The following ARHGAP18 variants were observed in gnomAD, a reference collection of about 807,000 sequenced individuals.
ARHGAP18 encodes Rho GTPase activating protein 18, also known as rho GTPase-activating protein 18.
In ARHGAP18, 67 loss-of-function variants were observed where a neutral mutation model predicts 86.2. The ratio of observed to expected loss-of-function variants is 0.78; its 90% CI spans 0.64 to 0.95. The LOEUF (loss-of-function observed/expected upper bound fraction) is 0.95. Among genes scored for constraint, ARHGAP18 ranks in the 40% least tolerant of loss-of-function variants. The pLI is 0.00. For synonymous variants in ARHGAP18, 283 were observed against 280.4 expected (o/e 1.01, Z -0.09); for missense variants, 691 against 780.4 (o/e 0.89, Z 1.37).
chr6:129,607,803 G>C (rs1211870634), intron 9 of ARHGAP18, 90 bp downstream of exon 9: 3 of 1,372,208 alleles, frequency 2.2e-6, no homozygotes. Flanking sequence ...AATACGTCTG[G>C]TTGCGTTCTT....
At chr6:129,627,836 C>A (rs1400654111) in intron 5 of ARHGAP18, among the ~76,000 whole-genome samples, 2 of 152,000 alleles carry the variant, frequency 1.3e-5, no homozygotes. Context: ...TTGAACACTG[C>A]TTAGATATTT....
intron 1 of ARHGAP18, among the ~76,000 whole-genome samples, chr6:129,674,502 C>T (rs575804105): frequency 9.2e-5 from 14 of 152,302 alleles, no homozygotes; most frequent in Middle Eastern, 6.8e-3. Context: ...ATTCAGCCAA[C>T]CATGGATCAA....
intron 3 of ARHGAP18, among the ~76,000 whole-genome samples, chr6:129,636,474 G>A (rs1029879263): frequency 2.6e-5 from 4 of 152,178 alleles, no homozygotes; most frequent in African/African-American, 9.7e-5. Context: ...GATGCTTAAT[G>A]TCAGAATCAT....
intron 2 of ARHGAP18, among the ~76,000 whole-genome samples, chr6:129,641,168 T>C (rs1157604247): frequency 6.6e-6 from 1 of 152,194 alleles, no homozygotes; most frequent in Non-Finnish European, 1.5e-5. Flanking sequence ...ATACTTTGAA[T>C]GACAAAATAG....
rs17057521 is a variant in ARHGAP18, at chr6:129,611,703, T to C, written c.1045-93A>G. The C allele has an allele frequency of 2.8e-3, 2,924 of 1,027,302 alleles. 51 individuals are homozygous for C. The African/African-American group carries it at 0.042, about 15-fold the overall frequency. 63.6% of individuals were successfully genotyped at this position (1,027,302 alleles called of 1,614,324 possible). On this transcript the variant is annotated intron_variant, in intron 7 of 14. Coordinates refer to ENST00000368149, the MANE Select transcript of ARHGAP18 (RefSeq NM_033515.3). ...TGTTTCACATATAAATAAAACTGAT[T>C]ACAATGACATGTAAACTGGATTTTA... is the stretch of plus-strand genomic sequence containing the variant.
chr6:129,636,506 G>C (rs1309328958), intron 3 of ARHGAP18, among the ~76,000 whole-genome samples: 1 of 152,144 alleles, frequency 6.6e-6, no homozygotes, highest in African/African-American at 2.4e-5. Context: ...AAATATACCA[G>C]GATAGAGACT....
intron 12 of ARHGAP18, among the ~76,000 whole-genome samples, chr6:129,589,912 G>GCCCCTGGTA (rs1380750755): frequency 6.6e-6 from 1 of 152,302 alleles, no homozygotes; most frequent in East Asian, 1.9e-4. Flanking sequence ...AGGTCAGACA[G>GCCCCTGGTA]CCCCTGGTAA....
intron 1 of ARHGAP18, among the ~76,000 whole-genome samples, chr6:129,658,213 T>C (rs752806393): frequency 5.3e-5 from 8 of 152,166 alleles, no homozygotes; most frequent in Admixed American, 1.3e-4. Context: ...AACTTGTTAG[T>C]AGTGATTTTT....
intron 2 of ARHGAP18, 39 bp from the exon 3 acceptor site, chr6:129,638,668 T>C (rs1425184623): frequency 1.3e-6 from 2 of 1,555,544 alleles, no homozygotes; most frequent in East Asian, 2.2e-5. Flanking sequence ...AATCACAAAA[T>C]ATAACAACCT....
intron 1 of ARHGAP18, among the ~76,000 whole-genome samples, chr6:129,665,573 A>AT (rs1268180774): frequency 1.3e-5 from 2 of 152,304 alleles, no homozygotes. Flanking sequence ...AAATAAATAA[A>AT]AAATAATCAA....
At position 129,577,086 on chromosome 6, in the gene ARHGAP18, AAG is replaced by A. The variant is rs1399707295; in HGVS notation, c.*1425_*1426del. On this transcript the variant is annotated 3_prime_UTR_variant, in exon 15 of 15. Coordinates refer to ENST00000368149, the MANE Select transcript of ARHGAP18 (RefSeq NM_033515.3). ...ACATAGGATTAAAAGTAATGATTCC[AAG>A]AGAAGATAATTTAGAAAAAGGCATT... 1.3e-5 allele frequency: 2 copies of A among 152,148 alleles called. No homozygotes were observed. Among genetic ancestry groups the A allele is most frequent in the Non-Finnish European group, 2.9e-5 (2 of 67,996 alleles). 9.4% of individuals were successfully genotyped at this position (152,148 alleles called of 1,614,324 possible).
intron 3 of ARHGAP18, among the ~76,000 whole-genome samples, chr6:129,635,690 T>C (rs1350045127): frequency 6.6e-6 from 1 of 152,198 alleles, no homozygotes. Flanking sequence ...GAATATACAC[T>C]CACTCAAAAG....
At chr6:129,640,140 A>G (rs1773424804) in intron 2 of ARHGAP18, among the ~76,000 whole-genome samples, 1 of 151,754 alleles carries the variant, frequency 6.6e-6, no homozygotes, top group Non-Finnish European at 1.5e-5. Flanking sequence ...AGATTGCCAG[A>G]AAAAAAACCT....
chr6:129,647,004 CAG>C (rs1185902023), intron 1 of ARHGAP18, among the ~76,000 whole-genome samples: 6 of 152,168 alleles, frequency 3.9e-5, no homozygotes, highest in Admixed American at 1.3e-4. Flanking sequence ...CTGAGAGAAA[CAG>C]ACTTGCTTTC....
intron 1 of ARHGAP18, among the ~76,000 whole-genome samples, chr6:129,644,823 T>A (rs1055087089): frequency 1.3e-5 from 2 of 152,218 alleles, no homozygotes; most frequent in Admixed American, 6.5e-5. Context: ...GTAACACCAT[T>A]GTTACATAAA....
intron 1 of ARHGAP18, among the ~76,000 whole-genome samples, chr6:129,685,083 G>A (rs1022548093): frequency 6.6e-6 from 1 of 152,172 alleles, no homozygotes; most frequent in African/African-American, 2.4e-5. Flanking sequence ...TCTGGAACCA[G>A]GCTGCCAGGG....
At chr6:129,653,824 A>AC (rs1219892030) in intron 1 of ARHGAP18, among the ~76,000 whole-genome samples, 1 of 103,808 alleles carries the variant, frequency 9.6e-6, no homozygotes, top group African/African-American at 4.5e-5. Context: ...ACATTTGAAG[A>AC]AAAAAAAAAA....
At chr6:129,638,023 G>A (rs1260360410) in intron 3 of ARHGAP18, among the ~76,000 whole-genome samples, 1 of 152,126 alleles carries the variant, frequency 6.6e-6, no homozygotes, top group Non-Finnish European at 1.5e-5. Flanking sequence ...ATTCCTACAA[G>A]CATTAATAGA....
chr6:129,678,795 T>C (rs1033183601), intron 1 of ARHGAP18, among the ~76,000 whole-genome samples: 9 of 152,232 alleles, frequency 5.9e-5, no homozygotes, highest in African/African-American at 2.2e-4. Flanking sequence ...CATTAACCCA[T>C]TGTAAAAATT....
Sources: gnomAD v4.1 joint callset for allele counts (sites outside exome capture counted in the v4.1 genomes callset) on GRCh38, gnomAD v4.1.1 for gene constraint, MANE v1.5 for transcripts, NCBI Gene and HGNC (gene_info 2026-07-23, HGNC 2026-07-21) for gene names.